Variants in ATG4C observed in about 807,000 individuals in gnomAD.
ATG4C encodes the protein cysteine protease ATG4C.
ATG4C carries 56 observed loss-of-function variants against 57.6 expected under a neutral mutation model. The observed-to-expected ratio is 0.97, with a 90% CI of 0.78 to 1.21. The LOEUF is 1.21. ATG4C is among the 50% of genes most tolerant of loss of function. ATG4C has a pLI of 0.00. For missense variants in ATG4C, 595 were observed against 529.8 expected (o/e 1.12, Z -1.21); for synonymous variants, 157 against 174.1 (o/e 0.90, Z 0.78).
intron 3 of ATG4C, among the ~76,000 whole-genome samples, chr1:62,813,425 C>T (rs1665157522): frequency 6.6e-6 from 1 of 152,184 alleles, no homozygotes; most frequent in African/African-American, 2.4e-5. Flanking sequence ...GGAACCCTTT[C>T]TTACACCTTA....
In ATG4C at chr1:62,805,226, T is replaced by A. The variant is rs747599823; in HGVS notation, c.131T>A (p.Leu44His). ...AGTAGAAATTCTCCTGTATTATTGC[T>A]TGGAAAATGTTACCATTTTAAATAT... ...YFSRNSPVLL[L>H]GKCYHFKYED... Residue 44 changes from leucine to histidine, a missense_variant, in exon 3 of 11, where the codon CTT becomes CAT. By Grantham distance (99) the Leu-to-His change is moderately conservative (BLOSUM62 -3). Coordinates refer to ENST00000317868, the MANE Select transcript of ATG4C (RefSeq NM_032852.4). The A allele has an allele frequency of 3.3e-6, 5 of 1,517,550 alleles. No homozygotes were observed. The Admixed American group carries it at 1.2e-4, about 37-fold the overall frequency. 94.0% of individuals were successfully genotyped at this position (1,517,550 alleles called of 1,614,324 possible).
chr1:62,811,538 A>G (rs1042862389), intron 3 of ATG4C, among the ~76,000 whole-genome samples: 2 of 152,198 alleles, frequency 1.3e-5, no homozygotes, highest in African/African-American at 4.8e-5. Context: ...AAAGAAAACA[A>G]TTAAGAATTT....
chr1:62,852,176 C>G (rs1003771081), intron 10 of ATG4C, among the ~76,000 whole-genome samples: 1 of 152,176 alleles, frequency 6.6e-6, no homozygotes, highest in Non-Finnish European at 1.5e-5. Flanking sequence ...AGGTGGGAAG[C>G]TACCCGGAGT....
At chr1:62,802,297 T>A (rs972547194) in intron 1 of ATG4C, among the ~76,000 whole-genome samples, 9 of 152,158 alleles carry the variant, frequency 5.9e-5, no homozygotes, top group African/African-American at 2.2e-4. Flanking sequence ...TCCTGTATAA[T>A]ACAGGTTGAG....
chr1:62,835,860 A>G (rs1246343461), intron 9 of ATG4C, among the ~76,000 whole-genome samples: 2 of 152,036 alleles, frequency 1.3e-5, no homozygotes, highest in African/African-American at 4.8e-5. Flanking sequence ...CTACAGAATA[A>G]TTGTGCCATG....
intron 10 of ATG4C, among the ~76,000 whole-genome samples, chr1:62,861,699 C>G (rs913259187): frequency 4.0e-5 from 6 of 151,578 alleles, no homozygotes; most frequent in African/African-American, 1.5e-4. Context: ...ATCTTTCAGT[C>G]TTTTCAAAAT....
intron 1 of ATG4C, among the ~76,000 whole-genome samples, chr1:62,794,760 A>G (rs1390199585): frequency 6.6e-6 from 1 of 152,230 alleles, no homozygotes; most frequent in Non-Finnish European, 1.5e-5. Flanking sequence ...AGTTCAGTGC[A>G]TGAAGATAGA....
Position 62,829,190 on chromosome 1 carries a change from G to A in ATG4C, c.933+14G>A, listed in dbSNP as rs1385500061. ...GAATTTGTGAAGGTATGAAATAAGT[G>A]CTGAACTTTTTTAGGGCAATACTAG... On this transcript the variant is annotated intron_variant, in intron 7 of 10. Coordinates refer to ENST00000317868, the MANE Select transcript of ATG4C (RefSeq NM_032852.4). The A allele has an allele frequency of 1.7e-5, 27 of 1,610,602 alleles. No individual in the cohort carries two copies. Among genetic ancestry groups the A allele is most frequent in the Non-Finnish European group, 2.0e-5 (24 of 1,178,456 alleles).
chr1:62,830,367 A>G (rs1665803009), intron 7 of ATG4C, among the ~76,000 whole-genome samples: 1 of 152,126 alleles, frequency 6.6e-6, no homozygotes. Flanking sequence ...GTGGGTTCTA[A>G]TCAAATCTGA....
intron 6 of ATG4C, 74 bp downstream of exon 6, chr1:62,821,283 A>G (rs1394286748): frequency 6.6e-6 from 6 of 904,334 alleles, no homozygotes; most frequent in Non-Finnish European, 9.6e-6. Context: ...TTATCCCAGT[A>G]ATACTGTAAA....
At chr1:62,853,165 C>T (rs924539411) in intron 10 of ATG4C, among the ~76,000 whole-genome samples, 3 of 152,140 alleles carry the variant, frequency 2.0e-5, no homozygotes, top group African/African-American at 7.2e-5. Context: ...GTTCCACTCC[C>T]TTCTAGCATT....
At chr1:62,810,828 C>G (rs566120303) in intron 3 of ATG4C, among the ~76,000 whole-genome samples, 5 of 151,424 alleles carry the variant, frequency 3.3e-5, no homozygotes, top group South Asian at 4.2e-4. Flanking sequence ...AGAACAGATA[C>G]ATGTTTTCAG....
chr1:62,852,471 A>C (rs1666545196), intron 10 of ATG4C, among the ~76,000 whole-genome samples: 1 of 152,162 alleles, frequency 6.6e-6, no homozygotes, highest in Non-Finnish European at 1.5e-5. Flanking sequence ...TGATTAGTCC[A>C]CTGTAGACAT....
intron 7 of ATG4C, among the ~76,000 whole-genome samples, chr1:62,831,869 T>G (rs997535602): frequency 6.6e-6 from 1 of 152,192 alleles, no homozygotes; most frequent in Non-Finnish European, 1.5e-5. Flanking sequence ...ACCAAAGTCT[T>G]TCTTCCGTTA....
At chr1:62,847,590 AAT>A (rs1666365625) in intron 10 of ATG4C, among the ~76,000 whole-genome samples, 1 of 152,136 alleles carries the variant, frequency 6.6e-6, no homozygotes, top group African/African-American at 2.4e-5. Flanking sequence ...TCTACCACAC[AAT>A]GAGTAAAAAA....
intron 1 of ATG4C, among the ~76,000 whole-genome samples, chr1:62,790,260 A>T (rs1443322584): frequency 6.6e-6 from 1 of 152,186 alleles, no homozygotes; most frequent in South Asian, 2.1e-4. Context: ...GATACCTTCA[A>T]TTCAAATTCA....
intron 10 of ATG4C, among the ~76,000 whole-genome samples, chr1:62,861,675 CTT>C (rs1397229153): frequency 2.6e-5 from 4 of 150,946 alleles, no homozygotes; most frequent in African/African-American, 7.3e-5. Flanking sequence ...TCAGAGGTAA[CTT>C]AATGTTTTGT....
intron 1 of ATG4C, 27 bp from the exon 2 acceptor site, chr1:62,803,692 A>T: frequency 2.7e-6 from 2 of 746,250 alleles, no homozygotes; most frequent in Admixed American, 2.9e-5. Context: ...TGTAGTAATT[A>T]CTGATTTTTT....
intron 6 of ATG4C, among the ~76,000 whole-genome samples, chr1:62,824,666 TCTC>T (rs1032005586): frequency 2.9e-4 from 29 of 100,636 alleles, no homozygotes; most frequent in African/African-American, 1.0e-3. Flanking sequence ...TTTCTCTCTC[TCTC>T]TTTTTTTTTT....
Sources: allele counts gnomAD v4.1 joint callset (sites outside exome capture counted in the v4.1 genomes callset), GRCh38; gene constraint gnomAD v4.1.1; transcripts MANE v1.5; gene names NCBI Gene and HGNC (gene_info 2026-07-23, HGNC 2026-07-21).